SPATS2L: variants seen among roughly 807,000 people sequenced by gnomAD.
SPATS2L encodes SPATS2-like protein.
SPATS2L carries 30 observed loss-of-function variants against 59.6 expected under a neutral mutation model. The ratio of observed to expected loss-of-function variants is 0.50; its 90% CI spans 0.38 to 0.68. The LOEUF (loss-of-function observed/expected upper bound fraction) is 0.68, where lower values mean the gene tolerates loss of function less well. Ranked by LOEUF, SPATS2L falls within the 30% of genes least tolerant of loss-of-function variation. SPATS2L has a pLI of 0.00. For missense variants in SPATS2L, 615 were observed against 700.0 expected, an observed-to-expected ratio of 0.88 and a Z score of 1.37; for synonymous variants, 252 against 263.5, an observed-to-expected ratio of 0.96 and a Z score of 0.42.
At chr2:200,358,643 C>A (rs1431742428) in intron 2 of SPATS2L, among the ~76,000 whole-genome samples, 5 of 151,148 alleles carry the variant, frequency 3.3e-5, no homozygotes. Flanking sequence ...CATCTTCAAG[C>A]AAATGTAGTA....
intron 6 of SPATS2L, among the ~76,000 whole-genome samples, chr2:200,428,224 A>T (rs2083698778): frequency 6.6e-6 from 1 of 152,186 alleles, no homozygotes; most frequent in African/African-American, 2.4e-5. Context: ...CTCTCCAAAT[A>T]AACTGCTCTA....
intron 3 of SPATS2L, chr2:200,393,174 CA>C (rs1453127557): frequency 2.2e-6 from 1 of 456,398 alleles, no homozygotes; most frequent in African/African-American, 2.0e-5. Context: ...TGAGATAGAA[CA>C]GCTCCTAAAG....
intron 1 of SPATS2L, 99 bp downstream of exon 1, chr2:200,307,021 C>T (rs953135248): frequency 2.1e-6 from 2 of 946,082 alleles, no homozygotes; most frequent in Non-Finnish European, 2.5e-6. Flanking sequence ...TCGGCTGGGC[C>T]GAGCATTCCG....
chr2:200,321,508 C>A (rs2079559086), intron 1 of SPATS2L, among the ~76,000 whole-genome samples: 1 of 152,108 alleles, frequency 6.6e-6, no homozygotes, highest in South Asian at 2.1e-4. Context: ...CTGCTTTCTT[C>A]ACTTAAATTA....
intron 1 of SPATS2L, among the ~76,000 whole-genome samples, chr2:200,312,390 C>T (rs547076610): frequency 2.6e-5 from 4 of 152,264 alleles, no homozygotes; most frequent in Admixed American, 2.6e-4. Context: ...AACCCTCATT[C>T]TGATTCTGTG....
chr2:200,333,654 C>G (rs1227479149), intron 2 of SPATS2L, among the ~76,000 whole-genome samples: 2 of 151,654 alleles, frequency 1.3e-5, no homozygotes, highest in Non-Finnish European at 2.9e-5. Context: ...CCTCCCCGCT[C>G]CCCCCACCCC....
intron 6 of SPATS2L, among the ~76,000 whole-genome samples, chr2:200,426,399 G>T (rs749408872): frequency 1.4e-4 from 22 of 152,142 alleles, no homozygotes; most frequent in Non-Finnish European, 2.9e-4. Context: ...ATATATAACT[G>T]ATGTTAAGTA....
At chr2:200,451,811 G>A (rs2085465655) in intron 8 of SPATS2L, among the ~76,000 whole-genome samples, 1 of 149,102 alleles carries the variant, frequency 6.7e-6, no homozygotes, top group African/African-American at 2.4e-5. Flanking sequence ...CCTTCCCCTT[G>A]CCCCCACCGT....
chr2:200,412,232 C>A, intron 3 of SPATS2L, 79 bp from the exon 4 acceptor site: 1 of 824,420 alleles, frequency 1.2e-6, no homozygotes, highest in Non-Finnish European at 1.8e-6. Flanking sequence ...AGTTGTAATT[C>A]TATCCAGTGG....
intron 12 of SPATS2L, among the ~76,000 whole-genome samples, chr2:200,475,086 C>T (rs565969411): frequency 2.7e-4 from 41 of 152,324 alleles, no homozygotes; most frequent in Non-Finnish European, 4.7e-4. Flanking sequence ...AGTTTTCACA[C>T]CCATCCGCTG....
At chr2:200,311,967 G>T (rs563986846) in intron 1 of SPATS2L, among the ~76,000 whole-genome samples, 1 of 152,284 alleles carries the variant, frequency 6.6e-6, no homozygotes, top group Admixed American at 6.5e-5. Flanking sequence ...GGGCCAATTT[G>T]TTGACTTTAC....
At chr2:200,416,738 C>T (rs541257376) in intron 5 of SPATS2L, among the ~76,000 whole-genome samples, 18 of 152,014 alleles carry the variant, frequency 1.2e-4, no homozygotes, top group Non-Finnish European at 2.6e-4. Context: ...ATTAACTTGC[C>T]TGAACGTATC....
At chr2:200,384,348 A>C (rs2081921658) in intron 2 of SPATS2L, among the ~76,000 whole-genome samples, 1 of 151,328 alleles carries the variant, frequency 6.6e-6, no homozygotes, top group Admixed American at 6.6e-5. Context: ...TTATTTATTT[A>C]TTTATTTATT....
chr2:200,463,001 C>T (rs1299478607), intron 9 of SPATS2L, among the ~76,000 whole-genome samples: 3 of 151,888 alleles, frequency 2.0e-5, no homozygotes, highest in Admixed American at 6.6e-5. Flanking sequence ...TGAAAAAATA[C>T]ACGTCAGGCA....
intron 8 of SPATS2L, among the ~76,000 whole-genome samples, chr2:200,449,340 T>C (rs997961942): frequency 1.3e-5 from 2 of 152,192 alleles, no homozygotes; most frequent in Non-Finnish European, 2.9e-5. Flanking sequence ...TAGCACCTCT[T>C]ATTAATAGCC....
At chr2:200,466,113 T>G (rs576383635) in intron 9 of SPATS2L, among the ~76,000 whole-genome samples, 5 of 152,246 alleles carry the variant, frequency 3.3e-5, no homozygotes, top group Non-Finnish European at 7.3e-5. Flanking sequence ...TGATGGATTC[T>G]GTACTTCTTT....
intron 2 of SPATS2L, chr2:200,383,783 T>A: frequency 1.8e-6 from 1 of 568,870 alleles, no homozygotes; most frequent in Non-Finnish European, 2.3e-6. Flanking sequence ...CATGGGAAAT[T>A]TTGCATTAAT....
intron 1 of SPATS2L, among the ~76,000 whole-genome samples, chr2:200,309,741 A>G (rs2079135961): frequency 6.6e-6 from 1 of 152,238 alleles, no homozygotes; most frequent in African/African-American, 2.4e-5. Flanking sequence ...CCCAGTAAAC[A>G]TAATTATAGA....
chr2:200,468,952 G>A (rs1348990594), intron 10 of SPATS2L, among the ~76,000 whole-genome samples: 1 of 152,188 alleles, frequency 6.6e-6, no homozygotes, highest in East Asian at 1.9e-4. Context: ...TCATAAAATA[G>A]TTAGTAGCAC....
Sources: allele counts gnomAD v4.1 joint callset (sites outside exome capture counted in the v4.1 genomes callset), GRCh38; gene constraint gnomAD v4.1.1; transcripts MANE v1.5; gene names NCBI Gene and HGNC (gene_info 2026-07-23, HGNC 2026-07-21).